Variants in SYT1 observed in about 807,000 individuals in gnomAD.
SYT1 encodes the protein synaptotagmin-1.
Under a neutral mutation model 44.8 loss-of-function variants are expected in SYT1, and 8 were observed. The ratio of observed to expected loss-of-function variants is 0.18; its 90% CI spans 0.10 to 0.32. The LOEUF is 0.32. Ranked by LOEUF, SYT1 falls within the 10% of genes least tolerant of loss-of-function variation. The pLI is 1.00. For synonymous variants in SYT1, 154 were observed against 188.8 expected, an observed-to-expected ratio of 0.82 and a Z score of 1.51; for missense variants, 286 against 509.3, an observed-to-expected ratio of 0.56 and a Z score of 4.22.
chr12:78,976,059 G>T, intron 1 of SYT1, among the ~76,000 whole-genome samples: 1 of 152,108 alleles, frequency 6.6e-6, no homozygotes, highest in Non-Finnish European at 1.5e-5. Context: ...TGAGAAATTA[G>T]AATTATTTTT....
At chr12:79,344,764 AC>A in intron 8 of SYT1, among the ~76,000 whole-genome samples, 1 of 152,202 alleles carries the variant, frequency 6.6e-6, no homozygotes, top group Non-Finnish European at 1.5e-5. Context: ...GCCTACTGTC[AC>A]TTTTAAGAAG....
intron 1 of SYT1, among the ~76,000 whole-genome samples, chr12:78,903,526 C>T (rs190907212): frequency 6.6e-6 from 1 of 152,126 alleles, no homozygotes; most frequent in East Asian, 1.9e-4. Flanking sequence ...ACTTCGTGAT[C>T]TGCCCGCCTC....
chr12:79,363,822 CTTAATCTCAG>C (rs1883425066), intron 9 of SYT1, among the ~76,000 whole-genome samples: 1 of 151,838 alleles, frequency 6.6e-6, no homozygotes, highest in Non-Finnish European at 1.5e-5. Context: ...ATCCCTTATT[CTTAATCTCAG>C]TTATAAAAAT....
chr12:79,141,260 A>AT (rs1322572082), intron 3 of SYT1, among the ~76,000 whole-genome samples: 5 of 151,892 alleles, frequency 3.3e-5, no homozygotes, highest in African/African-American at 1.2e-4. Context: ...TTGTCTGTTA[A>AT]TTTTTTTCCT....
intron 8 of SYT1, among the ~76,000 whole-genome samples, chr12:79,310,639 A>G (rs1179637617): frequency 6.6e-6 from 1 of 152,178 alleles, no homozygotes; most frequent in Non-Finnish European, 1.5e-5. Context: ...GATTCTTCCT[A>G]CCCGTGAGCA....
chr12:78,953,584 G>T (rs561305930), intron 1 of SYT1, among the ~76,000 whole-genome samples: 18 of 152,136 alleles, frequency 1.2e-4, no homozygotes, highest in Non-Finnish European at 2.1e-4. Flanking sequence ...TGGAAATAAT[G>T]CACAAGAAGC....
intron 3 of SYT1, among the ~76,000 whole-genome samples, chr12:79,153,785 A>G (rs1870423744): frequency 1.3e-5 from 2 of 152,038 alleles, no homozygotes; most frequent in Admixed American, 6.6e-5. Flanking sequence ...CGATGGTGCT[A>G]TTTTTCTTTC....
chr12:79,038,016 A>G (rs188754687), intron 2 of SYT1, among the ~76,000 whole-genome samples: 1 of 151,432 alleles, frequency 6.6e-6, no homozygotes, highest in East Asian at 1.9e-4. Context: ...TTTTTTTGGT[A>G]ATGTTTATTG....
At chr12:79,270,381 T>G (rs1878357040) in intron 4 of SYT1, among the ~76,000 whole-genome samples, 1 of 152,054 alleles carries the variant, frequency 6.6e-6, no homozygotes, top group African/African-American at 2.4e-5. Context: ...AAAATAGAGA[T>G]ATGTTGAAGG....
intron 2 of SYT1, among the ~76,000 whole-genome samples, chr12:79,018,313 G>C (rs1036688610): frequency 3.5e-5 from 5 of 144,216 alleles, no homozygotes; most frequent in Admixed American, 7.0e-5. Flanking sequence ...ATGGACACAG[G>C]AAGGGGAACA....
At chr12:79,138,304 A>G (rs1168302674) in intron 3 of SYT1, among the ~76,000 whole-genome samples, 2 of 152,334 alleles carry the variant, frequency 1.3e-5, no homozygotes, top group Non-Finnish European at 2.9e-5. Flanking sequence ...ATGATTTTTA[A>G]AAGATACCTC....
Position 79,450,156 on chromosome 12 carries a change from A to ATTTT in SYT1, c.*1033_*1036dup, listed in dbSNP as rs949437207. 1 of 152,584 alleles carries ATTTT rather than the reference A, an allele frequency of 6.6e-6. No individual in the cohort carries two copies. The highest frequency in any genetic ancestry group is 2.4e-5 in the African/African-American group (1 of 41,426). 9.5% of individuals were successfully genotyped at this position (152,584 alleles called of 1,614,324 possible). On this transcript the variant is annotated 3_prime_UTR_variant, in exon 11 of 11. Coordinates refer to ENST00000261205, the MANE Select transcript of SYT1 (RefSeq NM_005639.3). ...TGCACATTAGAGTTTGTAACAAAAT[A>ATTTT]TTTTATTATATAAAACCAGGTTAGA... is the stretch of plus-strand genomic sequence containing the variant.
At chr12:79,234,284 C>T (rs1876045039) in intron 4 of SYT1, among the ~76,000 whole-genome samples, 1 of 152,142 alleles carries the variant, frequency 6.6e-6, no homozygotes, top group Admixed American at 6.5e-5. Context: ...GTTAAATTAA[C>T]TTTATTGAAG....
intron 1 of SYT1, among the ~76,000 whole-genome samples, chr12:78,965,245 T>C (rs893536413): frequency 6.6e-6 from 1 of 152,186 alleles, no homozygotes. Context: ...TATTGTGAGA[T>C]GTTTTAGGCC....
At chr12:79,251,432 A>G (rs1446915975) in intron 4 of SYT1, among the ~76,000 whole-genome samples, 2 of 152,196 alleles carry the variant, frequency 1.3e-5, no homozygotes, top group Non-Finnish European at 2.9e-5. Flanking sequence ...CAGATAAGAG[A>G]AAATGGAAAT....
chr12:79,386,161 A>C (rs1025677878), intron 9 of SYT1, among the ~76,000 whole-genome samples: 7 of 152,206 alleles, frequency 4.6e-5, no homozygotes, highest in Non-Finnish European at 1.0e-4. Flanking sequence ...CCATTCCTAA[A>C]GAAAGGTACC....
At position 78,973,939 on chromosome 12, in the gene SYT1, ATATATATATATAT is replaced by A. The variant is rs1388827209; in HGVS notation, c.-216-3859_-216-3847del. 1.8e-3 allele frequency among the ~76,000 whole-genome samples: 20 copies of A among 11,400 alleles called. 3 individuals carry two copies. The highest frequency in any genetic ancestry group is 8.1e-3 in the East Asian group (1 of 124). 7.5% of individuals were successfully genotyped at this position (11,400 alleles called of 152,430 possible). A position where few individuals can be genotyped will look rare whatever the true frequency, so the allele number is the denominator to read the frequency against. On this transcript the variant is annotated intron_variant, in intron 1 of 10. Transcript: ENST00000261205. ...ACCAAAAAAAAAAAAAAAAAAAAAA[ATATATATATATAT>A]ATATATATATATATATATATATATA...
At chr12:79,028,777 T>C (rs1324126275) in intron 2 of SYT1, among the ~76,000 whole-genome samples, 1 of 151,342 alleles carries the variant, frequency 6.6e-6, no homozygotes, top group East Asian at 1.9e-4. Context: ...AATGTATAAG[T>C]ATTATAGTTG....
At chr12:79,341,347 C>G (rs1310165964) in intron 8 of SYT1, 1 of 152,166 alleles carries the variant, frequency 6.6e-6, no homozygotes, top group African/African-American at 2.4e-5. Context: ...AGGATCCTGT[C>G]TCACTGAACC....
Sources: allele counts gnomAD v4.1 joint callset (sites outside exome capture counted in the v4.1 genomes callset), GRCh38; gene constraint gnomAD v4.1.1; transcripts MANE v1.5; gene names NCBI Gene and HGNC (gene_info 2026-07-23, HGNC 2026-07-21).